Variants in GNG7 observed in about 807,000 individuals in gnomAD.
GNG7 encodes the protein G protein subunit gamma 7.
A neutral mutation model predicts 4.0 loss-of-function variants in GNG7; 1 was observed. The ratio of observed to expected loss-of-function variants is 0.25; its 90% CI spans 0.09 to 1.18. The LOEUF (loss-of-function observed/expected upper bound fraction) is 1.18. Ranked by LOEUF, GNG7 falls within the 50% of genes most tolerant of loss-of-function variation. The probability of loss-of-function intolerance (pLI) is 0.50; values close to 1 mark genes in which losing one functional copy is unlikely to be tolerated. For synonymous variants in GNG7, 34 were observed against 36.9 expected, an observed-to-expected ratio of 0.92 and a Z score of 0.29; for missense variants, 86 against 91.9, an observed-to-expected ratio of 0.94 and a Z score of 0.26.
chr19:2,569,682 T>C (rs1477428669), intron 2 of GNG7, among the ~76,000 whole-genome samples: 1 of 152,192 alleles, frequency 6.6e-6, no homozygotes, highest in Non-Finnish European at 1.5e-5. Flanking sequence ...GACCGTTCTC[T>C]GGGGTGGAGC....
At chr19:2,548,512 G>A (rs990027947) in intron 3 of GNG7, among the ~76,000 whole-genome samples, 7 of 146,894 alleles carry the variant, frequency 4.8e-5, no homozygotes, top group African/African-American at 1.8e-4. Flanking sequence ...AACCTAGCCA[G>A]GCCCAGTGGC....
intron 1 of GNG7, among the ~76,000 whole-genome samples, chr19:2,657,358 AAAAATATATATATATATATAT>A (rs1270513898): frequency 4.7e-5 from 1 of 21,054 alleles, no homozygotes; most frequent in African/African-American, 1.3e-4. Flanking sequence ...AAAAAAAAAA[AAAAATATATATATATATATAT>A]ATATATATAT....
intron 3 of GNG7, among the ~76,000 whole-genome samples, chr19:2,523,811 T>C (rs1978323275): frequency 6.6e-6 from 1 of 152,080 alleles, no homozygotes; most frequent in South Asian, 2.1e-4. Flanking sequence ...TCCACGGCGA[T>C]CTCAATAAAA....
chr19:2,666,231 G>A (rs140815049), intron 1 of GNG7, among the ~76,000 whole-genome samples: 1,523 of 151,190 alleles, frequency 0.01, 19 homozygotes, highest in African/African-American at 0.035. Flanking sequence ...GGAGTGCAGT[G>A]GCACGATCTC....
In GNG7 at chr19:2,548,481, G is replaced by GAA. The variant is rs34242476; in HGVS notation, c.-38+6666_-38+6667dup. Among the ~76,000 whole-genome samples, 462 of 77,222 alleles carry GAA rather than the reference G, an allele frequency of 6.0e-3. 4 individuals are homozygous for GAA. Among genetic ancestry groups the GAA allele is most frequent in the African/African-American group, 0.016 (328 of 20,988 alleles). 50.7% of individuals were successfully genotyped at this position (77,222 alleles called of 152,430 possible). ...GGGCGACAGAGCGAGGCTCTGTCTG[G>GAA]AAAAAAAAAAAAAAAAAAAAAACCT... On this transcript the variant is annotated intron_variant, in intron 3 of 4. Transcript: ENST00000382159.
At chr19:2,639,359 C>T (rs890499469) in intron 2 of GNG7, among the ~76,000 whole-genome samples, 5 of 151,998 alleles carry the variant, frequency 3.3e-5, no homozygotes, top group East Asian at 1.9e-4. Flanking sequence ...GCGCCTGAGA[C>T]GCCGGAACAG....
intron 2 of GNG7, among the ~76,000 whole-genome samples, chr19:2,629,122 C>A (rs1172993371): frequency 1.3e-5 from 2 of 152,200 alleles, no homozygotes; most frequent in Non-Finnish European, 2.9e-5. Context: ...GCATCAGGCT[C>A]TGTGCAAGGC....
chr19:2,544,548 G>A (rs951993504), intron 3 of GNG7, among the ~76,000 whole-genome samples: 2 of 152,084 alleles, frequency 1.3e-5, no homozygotes, highest in Admixed American at 6.6e-5. Context: ...CCCCCACCAC[G>A]CCCAGCTAAT....
At chr19:2,669,357 G>A (rs1983391892) in intron 1 of GNG7, among the ~76,000 whole-genome samples, 1 of 152,132 alleles carries the variant, frequency 6.6e-6, no homozygotes, top group Admixed American at 6.6e-5. Context: ...GGGCGTGGTG[G>A]TGCATGCCTG....
chr19:2,681,764 C>T (rs796879471), intron 1 of GNG7, among the ~76,000 whole-genome samples: 8 of 152,268 alleles, frequency 5.3e-5, no homozygotes, highest in Middle Eastern at 3.4e-3. Flanking sequence ...TCTACCTCCC[C>T]GTGAGCCCTT....
chr19:2,522,927 T>C (rs62121677), intron 3 of GNG7, among the ~76,000 whole-genome samples: 47,708 of 150,180 alleles, frequency 0.32, 7,533 homozygotes, highest in South Asian at 0.4. Context: ...TGCAGTGGCA[T>C]GATCTCAGCT....
At chr19:2,683,608 C>A (rs1374016027) in intron 1 of GNG7, 1 of 152,254 alleles carries the variant, frequency 6.6e-6, no homozygotes, top group Non-Finnish European at 1.5e-5. Flanking sequence ...CCGGAAACTT[C>A]AAGGTGTCAC....
rs57526624 is a variant in GNG7 at position 2,607,220 on chromosome 19, C to CAAAA, written c.-78+39000_-78+39003dup. ...TGGGCGACAGAGCAAGACCCTGTGTCAAAAAAAAAAAAGAAGGCCAGGTGT... is the reference window on the plus strand; with the variant it reads ...TGGGCGACAGAGCAAGACCCTGTGTCAAAAAAAAAAAAAAAAGAAGGCCAGGTGT... On this transcript the variant is annotated intron_variant, in intron 2 of 4. Transcript: ENST00000382159. Among the ~76,000 whole-genome samples, 327 of 136,214 alleles carry CAAAA rather than the reference C, an allele frequency of 2.4e-3. 1 individual carries two copies. The highest frequency in any genetic ancestry group is 7.8e-3 in the African/African-American group (273 of 35,082). 89.4% of individuals were successfully genotyped at this position (136,214 alleles called of 152,430 possible).
chr19:2,522,403 TG>T (rs1438324247), intron 3 of GNG7, among the ~76,000 whole-genome samples: 3 of 152,112 alleles, frequency 2.0e-5, no homozygotes, highest in African/African-American at 7.2e-5. Context: ...CATCGCTGTC[TG>T]TTTTGCAGAG....
chr19:2,669,965 G>A (rs993880235), intron 1 of GNG7, among the ~76,000 whole-genome samples: 4 of 149,842 alleles, frequency 2.7e-5, no homozygotes, highest in Non-Finnish European at 4.4e-5. Context: ...AGCTGAGATC[G>A]CGCCAATGCA....
At chr19:2,519,917 C>T (rs72981352) in intron 4 of GNG7, among the ~76,000 whole-genome samples, 42,595 of 151,974 alleles carry the variant, frequency 0.28, 6,218 homozygotes, top group East Asian at 0.44. Flanking sequence ...TGGTGGCTCA[C>T]GCCTGGAATC....
chr19:2,583,714 T>C (rs1980566186), intron 2 of GNG7, among the ~76,000 whole-genome samples: 1 of 152,186 alleles, frequency 6.6e-6, no homozygotes, highest in Non-Finnish European at 1.5e-5. Flanking sequence ...GATGCCTCCC[T>C]TGAGCCCAAG....
chr19:2,601,850 TATG>T (rs1981208226), intron 2 of GNG7, among the ~76,000 whole-genome samples: 2 of 151,974 alleles, frequency 1.3e-5, no homozygotes, highest in Admixed American at 1.3e-4. Flanking sequence ...TGCAGTGAGT[TATG>T]ATTTCATCAC....
intron 2 of GNG7, chr19:2,643,202 C>T (rs570062231): frequency 6.6e-6 from 3 of 452,728 alleles, no homozygotes; most frequent in Admixed American, 4.8e-5. Flanking sequence ...GCTCTGCACA[C>T]CTTCCGGCCT....
Sources: allele counts gnomAD v4.1 joint callset (sites outside exome capture counted in the v4.1 genomes callset), GRCh38; gene constraint gnomAD v4.1.1; transcripts MANE v1.5; gene names NCBI Gene and HGNC (gene_info 2026-07-23, HGNC 2026-07-21).